FBXL12: variants seen among roughly 807,000 people sequenced by gnomAD.
The protein encoded by FBXL12 is F-box/LRR-repeat protein 12.
A neutral mutation model predicts 24.9 loss-of-function variants in FBXL12; 22 were observed. That is an observed-to-expected ratio of 0.88 (90% confidence interval 0.63 to 1.26). FBXL12 has a LOEUF of 1.26. FBXL12 is among the 50% of genes most tolerant of loss of function. The probability of loss-of-function intolerance (pLI) is 0.00; values close to 1 mark genes in which losing one functional copy is unlikely to be tolerated. For missense variants in FBXL12, 384 were observed against 434.1 expected (o/e 0.88, Z 1.03); for synonymous variants, 193 against 193.8 (o/e 1.00, Z 0.03).
At chr19:9,812,461 A>G (rs1455553135) in intron 2 of FBXL12, among the ~76,000 whole-genome samples, 2 of 149,546 alleles carry the variant, frequency 1.3e-5, no homozygotes, top group Non-Finnish European at 3.0e-5. Context: ...AACCCAGGAG[A>G]CAAAGGTTGC....
chr19:9,814,695 CAAAA>C (rs977095403), intron 2 of FBXL12: 2 of 45,822 alleles, frequency 4.4e-5, no homozygotes, highest in Non-Finnish European at 4.4e-5. Flanking sequence ...GACTCCATCT[CAAAA>C]AAAAAAAAAA....
At position 9,810,914 on chromosome 19, in the gene FBXL12, A is replaced by C; in HGVS notation, c.963T>G (p.Ser321=). ...MVIVRACPKE[S]MDWWM ...GGAGTAGTTACATCCACCAGTCCAT[A>C]GACTCTTTGGGGCAAGCCCTGACGA... The change falls in exon 3 of 3, where the codon TCT becomes TCG. Residue 321 remains serine (S), a synonymous_variant. Coordinates refer to ENST00000247977, the MANE Select transcript of FBXL12 (RefSeq NM_017703.3). 3 of 1,592,396 alleles carry C rather than the reference A, an allele frequency of 1.9e-6. No homozygotes were observed. The highest frequency in any genetic ancestry group is 2.6e-6 in the Non-Finnish European group (3 of 1,163,334).
chr19:9,818,509 A>ACCGCGG (rs1350998417), intron 2 of FBXL12, 36 bp downstream of exon 2: 1 of 1,531,490 alleles, frequency 6.5e-7, no homozygotes, highest in Non-Finnish European at 8.8e-7. Context: ...GGGCACCGCG[A>ACCGCGG]CCGCGGCCCA....
intron 2 of FBXL12, chr19:9,818,110 G>A: frequency 2.6e-6 from 1 of 391,672 alleles, no homozygotes; most frequent in Non-Finnish European, 4.5e-6. Flanking sequence ...TACTCAGGAG[G>A]CTGATGCGAG....
At position 9,818,974 on chromosome 19, in the gene FBXL12, G is replaced by T; in HGVS notation, c.-161C>A. Reference sequence around the variant, plus strand: ...GTGATTCGGTCCCAGGGCCGGACCAGCCGCGGATGGGGACCAGAAACCAGC... The same window carrying T: ...GTGATTCGGTCCCAGGGCCGGACCATCCGCGGATGGGGACCAGAAACCAGC... On this transcript the variant is annotated 5_prime_UTR_variant, in exon 1 of 3. The change creates a new upstream start codon in the 5' untranslated region. Coordinates refer to ENST00000247977, the MANE Select transcript of FBXL12 (RefSeq NM_017703.3). 1 of 673,986 alleles carries T rather than the reference G, an allele frequency of 1.5e-6. No homozygotes were observed. The highest frequency in any genetic ancestry group is 2.5e-6 in the Non-Finnish European group (1 of 394,680). The allele number at this position is 673,986 out of a possible 1,614,324, so 41.8% of individuals were successfully genotyped here.
chr19:9,812,588 CAG>C (rs1176635200), intron 2 of FBXL12, among the ~76,000 whole-genome samples: 2 of 117,276 alleles, frequency 1.7e-5, no homozygotes, highest in Non-Finnish European at 3.7e-5. Context: ...AAGATACTAA[CAG>C]AATCTATCTT....
At position 9,811,012 on chromosome 19, in the gene FBXL12, G is replaced by T. The variant is rs773662524; in HGVS notation, c.865C>A (p.Leu289Met). Reference sequence around the variant, plus strand: ...TGACCCTCCCACCCCAGCCCCTGCAGCTCAAGGACTCTGAGCTTGGGCATA... The same window carrying T: ...TGACCCTCCCACCCCAGCCCCTGCATCTCAAGGACTCTGAGCTTGGGCATA... ...LTMPKLRVLE[L>M]QGLGWEGQEA... is the part of the protein sequence containing the mutation. Residue 289 changes from leucine to methionine, a missense_variant, in exon 3 of 3, where the codon CTG (leucine) becomes ATG (methionine). Transcript: ENST00000247977. The surrounding 1 kb of genome is among the most constrained non-coding windows in gnomAD (Gnocchi z 6.0). 8.1e-6 allele frequency: 13 copies of T among 1,607,490 alleles called. No homozygotes were observed. Among genetic ancestry groups the T allele is most frequent in the Non-Finnish European group, 1.1e-5 (13 of 1,176,826 alleles).
chr19:9,815,261 TCCAGGTCTCACAA>T, intron 2 of FBXL12, among the ~76,000 whole-genome samples: 1 of 152,322 alleles, frequency 6.6e-6, no homozygotes, highest in South Asian at 2.1e-4. Flanking sequence ...CTCCTTTGAT[TCCAGGTCTCACAA>T]CCAGGTCACA....
intron 2 of FBXL12, among the ~76,000 whole-genome samples, chr19:9,817,105 A>G (rs1337284333): frequency 6.6e-6 from 1 of 152,176 alleles, no homozygotes; most frequent in Non-Finnish European, 1.5e-5. Flanking sequence ...GGGAGATAGA[A>G]TTCAAGTTGA....
chr19:9,816,141 G>A (rs577076322), intron 2 of FBXL12, among the ~76,000 whole-genome samples: 47 of 152,300 alleles, frequency 3.1e-4, no homozygotes, highest in African/African-American at 1.1e-3. Context: ...TGGGCCCCCA[G>A]GAAACCACTT....
intron 2 of FBXL12, chr19:9,818,208 A>T: frequency 2.3e-6 from 1 of 432,836 alleles, no homozygotes; most frequent in East Asian, 3.4e-5. Context: ...TCTCAAAAAC[A>T]AAACAAAAAC....
rs1395665041 is a variant in FBXL12 at position 9,811,655 on chromosome 19, C to T, written c.222G>A (p.Leu74=). ...CAGAGAACAGGTAGCCACCCATCCG[C>T]AGGGAATGGAGCCGGGATGCCATGT... ...RRYMASRLHS[L]RMGGYLFSGS... Residue 74 remains leucine (L), a synonymous_variant, in exon 3 of 3, where the codon CTG becomes CTA. Transcript: ENST00000247977. This position sits in a 1 kb window ranked among gnomAD's most constrained non-coding sequence, Gnocchi z 6.0. 5 of 1,521,682 alleles carry T rather than the reference C, an allele frequency of 3.3e-6. No individual in the cohort carries two copies. Among genetic ancestry groups the T allele is most frequent in the South Asian group, 1.3e-5 (1 of 77,112 alleles). The allele number at this position is 1,521,682 out of a possible 1,614,324, so 94.3% of individuals were successfully genotyped here. A position where few individuals can be genotyped will look rare whatever the true frequency, so the allele number is the denominator to read the frequency against.
At chr19:9,813,329 G>T in intron 2 of FBXL12, 1 of 1,087,934 alleles carries the variant, frequency 9.2e-7, no homozygotes, top group Non-Finnish European at 1.2e-6. Context: ...TGCTTACAAA[G>T]GTGTTTCTTT....
chr19:9,811,158 A>G lies in FBXL12; in HGVS notation c.719T>C (p.Leu240Pro). The G allele has an allele frequency of 6.2e-7, 1 of 1,606,534 alleles. No individual in the cohort carries two copies. Reference sequence around the variant, plus strand: ...CAGCACAGCCAGGCCAGGGGCAGAGAGGCCCCTCACGGTCAGCCGGATCTT... The same window carrying G: ...CAGCACAGCCAGGCCAGGGGCAGAGGGGCCCCTCACGGTCAGCCGGATCTT... ...VRKIRLTVRG[L>P]SAPGLAVLEG... Residue 240 changes from leucine to proline, a missense_variant, in exon 3 of 3, where the codon CTC (leucine) becomes CCC (proline). By Grantham distance (98) the Leu-to-Pro change is moderately conservative. Coordinates refer to ENST00000247977, the MANE Select transcript of FBXL12 (RefSeq NM_017703.3). This position sits in a 1 kb window ranked among gnomAD's most constrained non-coding sequence, Gnocchi z 6.0.
At chr19:9,818,304 G>T (rs1055328478) in intron 2 of FBXL12, 1 of 567,934 alleles carries the variant, frequency 1.8e-6, no homozygotes, top group Admixed American at 3.2e-5. Flanking sequence ...TGATCTCAGT[G>T]AAGTCCCATA....
intron 2 of FBXL12, chr19:9,818,076 G>GATC: frequency 2.7e-6 from 1 of 365,384 alleles, no homozygotes; most frequent in Non-Finnish European, 4.9e-6. Flanking sequence ...AGCAGGTGTA[G>GATC]TGGCGAGCGC....
intron 2 of FBXL12, among the ~76,000 whole-genome samples, chr19:9,817,521 G>A (rs2045909861): frequency 2.0e-5 from 3 of 152,158 alleles, no homozygotes; most frequent in African/African-American, 7.2e-5. Flanking sequence ...CAACAACTAA[G>A]TTTCAACAAC....
chr19:9,813,126 G>T, intron 2 of FBXL12: 1 of 664,148 alleles, frequency 1.5e-6, no homozygotes, highest in Non-Finnish European at 2.1e-6. Flanking sequence ...AATCAACCCT[G>T]GGAAGTTAGA....
At chr19:9,818,494 G>A in intron 2 of FBXL12, 51 bp downstream of exon 2, 1 of 1,520,992 alleles carries the variant, frequency 6.6e-7, no homozygotes, top group Non-Finnish European at 8.8e-7. Context: ...TGGTCTTCGG[G>A]GTCCGGGCAC....
Sources: gnomAD v4.1 joint callset for allele counts (sites outside exome capture counted in the v4.1 genomes callset) on GRCh38, gnomAD v4.1.1 for gene constraint, Gnocchi (gnomAD v3.1) non-coding constraint, MANE v1.5 for transcripts, NCBI Gene and HGNC (gene_info 2026-07-23, HGNC 2026-07-21) for gene names.